The following CCDC18 variants were observed in gnomAD, a reference collection of about 807,000 sequenced individuals.
CCDC18 encodes coiled-coil domain-containing protein 18.
In CCDC18, 157 loss-of-function variants were observed where a neutral mutation model predicts 196.0. The ratio of observed to expected loss-of-function variants is 0.80; its 90% confidence interval spans 0.70 to 0.91. CCDC18 has a LOEUF of 0.91. Ranked by LOEUF, CCDC18 falls within the 40% of genes least tolerant of loss-of-function variation. The pLI, the probability that CCDC18 is intolerant of heterozygous loss-of-function variation, is 0.00. For synonymous variants in CCDC18, 482 were observed against 529.2 expected (o/e 0.91, Z 1.22); for missense variants, 1,465 against 1,611.6 (o/e 0.91, Z 1.56).
rs1396189661 is a variant in CCDC18, at chr1:93,246,788, A to G, written c.3082-50A>G. 3 of 849,140 alleles carry G rather than the reference A, an allele frequency of 3.5e-6. No individual in the cohort carries two copies. The South Asian group carries it at 4.3e-5, about 12-fold the overall frequency. The allele number at this position is 849,140 out of a possible 1,614,324, so 52.6% of individuals were successfully genotyped here. On this transcript the variant is annotated intron_variant, in intron 22 of 28. Coordinates refer to ENST00000690025, the MANE Select transcript of CCDC18 (RefSeq NM_001378204.1). Reference sequence around the variant, plus strand: ...TTACAAAGCCTATTCTAAGCATACAAGTTTTTATATCAGAATAAAATTGAA... The same window carrying G: ...TTACAAAGCCTATTCTAAGCATACAGGTTTTTATATCAGAATAAAATTGAA...
chr1:93,180,127 G>GT (rs1649271493), upstream of CCDC18: 4 of 1,613,756 alleles, frequency 2.5e-6, no homozygotes, highest in Non-Finnish European at 3.4e-6. Context: ...GGCGGGAAGG[G>GT]TAAAGGTGAA....
intron 6 of CCDC18, among the ~76,000 whole-genome samples, chr1:93,195,257 G>T (rs187940746): frequency 6.6e-6 from 1 of 151,906 alleles, no homozygotes; most frequent in Non-Finnish European, 1.5e-5. Flanking sequence ...AGTATAAAAG[G>T]GTATTATTGC....
rs530091201 is a variant in CCDC18 at position 93,247,005 on chromosome 1, A to T, written c.3198+51A>T. On this transcript the variant is annotated intron_variant, in intron 23 of 28. Transcript: ENST00000690025. ...TTAAATTATTTTTTAAAAAATTCAAACTGTAACTAAAAACACCCCTTCAAA... is the reference window on the plus strand; with the variant it reads ...TTAAATTATTTTTTAAAAAATTCAATCTGTAACTAAAAACACCCCTTCAAA... 3.2e-5 allele frequency: 26 copies of T among 805,838 alleles called. No homozygotes were observed. In the African/African-American group the frequency reaches 4.4e-4, roughly 14 times the overall value. The allele number at this position is 805,838 out of a possible 1,614,324, so 49.9% of individuals were successfully genotyped here. A position where few individuals can be genotyped will look rare whatever the true frequency, so the allele number is the denominator to read the frequency against.
chr1:93,243,783 A>G (rs1661146743), intron 21 of CCDC18, among the ~76,000 whole-genome samples: 1 of 152,196 alleles, frequency 6.6e-6, no homozygotes, highest in South Asian at 2.1e-4. Context: ...CCAGTTCCCA[A>G]CAAGTTCCTC....
chr1:93,257,706 T>G (rs1663202263), intron 25 of CCDC18, among the ~76,000 whole-genome samples: 1 of 152,170 alleles, frequency 6.6e-6, no homozygotes, highest in Non-Finnish European at 1.5e-5. Context: ...AAAGGAAAGC[T>G]ATCTACTTTT....
chr1:93,208,618 C>T (rs1243220315), intron 9 of CCDC18, among the ~76,000 whole-genome samples: 1 of 148,854 alleles, frequency 6.7e-6, no homozygotes, highest in Non-Finnish European at 1.5e-5. Flanking sequence ...TTTTTAATGG[C>T]TCATGATGAG....
chr1:93,181,740 G>C lies in CCDC18; in HGVS notation c.-3+888G>C, dbSNP rs537865950. On this transcript the variant is annotated intron_variant, in intron 1 of 28. Transcript: ENST00000690025. ...AAGCAATTCTCTGCCTCAGCCTCCC[G>C]AGTAGCTGAGATTACAGGCGCTCGC... is the stretch of plus-strand genomic sequence containing the variant. 9.9e-5 allele frequency among the ~76,000 whole-genome samples: 15 copies of C among 151,930 alleles called. 1 individual carries two copies. Among genetic ancestry groups the C allele is most frequent in the Admixed American group, 9.8e-4 (15 of 15,274 alleles).
chr1:93,200,904 T>C (rs1478904605), intron 6 of CCDC18, among the ~76,000 whole-genome samples: 1 of 152,224 alleles, frequency 6.6e-6, no homozygotes, highest in Non-Finnish European at 1.5e-5. Flanking sequence ...AAGTGAGAAA[T>C]ACAGGTATCC....
intron 17 of CCDC18, among the ~76,000 whole-genome samples, chr1:93,227,861 G>T (rs1033119435): frequency 6.6e-6 from 1 of 150,830 alleles, no homozygotes; most frequent in African/African-American, 2.4e-5. Context: ...AGGAAGCTGA[G>T]ATGGGAGGAT....
intron 9 of CCDC18, 28 bp downstream of exon 9, chr1:93,207,426 A>G: frequency 6.7e-7 from 1 of 1,494,072 alleles, no homozygotes; most frequent in Non-Finnish European, 9.0e-7. Context: ...CGTAATGGAA[A>G]AGAAGAATTT....
chr1:93,239,695 A>G lies in CCDC18; in HGVS notation c.2780A>G (p.Glu927Gly). The change falls in exon 21 of 29, where the codon GAA (glutamate) becomes GGA (glycine). Residue 927 changes from glutamate to glycine, a missense_variant. Coordinates refer to ENST00000690025, the MANE Select transcript of CCDC18 (RefSeq NM_001378204.1). Reference protein sequence around the residue: ...EKKTNAVKELEKLQHSTETEL... With the variant: ...EKKTNAVKELGKLQHSTETEL... ...CTCCTCTTAATAGTAAAGGAGTTAGAAAAGTTACAGCACAGTACTGAAACT... is the reference window on the plus strand; with the variant it reads ...CTCCTCTTAATAGTAAAGGAGTTAGGAAAGTTACAGCACAGTACTGAAACT... 1 of 1,609,368 alleles carries G rather than the reference A, an allele frequency of 6.2e-7. No homozygotes were observed. The highest frequency in any genetic ancestry group is 8.5e-7 in the Non-Finnish European group (1 of 1,177,226).
rs35315306 is a variant in CCDC18, at chr1:93,205,650, GA to G, written c.917+24del. On this transcript the variant is annotated intron_variant, in intron 8 of 28. Coordinates refer to ENST00000690025, the MANE Select transcript of CCDC18 (RefSeq NM_001378204.1). ...AATTAAGGTACAGTATTCTGTTGTA[GA>G]AAAAGGATTTTTGTGTGGACATGGA... 1.3e-6 allele frequency: 2 copies of G among 1,568,312 alleles called. No individual in the cohort carries two copies. The highest frequency in any genetic ancestry group is 2.1e-5 in the Admixed American group (1 of 47,794).
In CCDC18 at chr1:93,250,634, G is replaced by A. The variant is rs529844003; in HGVS notation, c.3198+3680G>A. 6.5e-4 allele frequency among the ~76,000 whole-genome samples: 99 copies of A among 152,064 alleles called. 2 individuals carry two copies. Among genetic ancestry groups the A allele is most frequent in the African/African-American group, 2.3e-3 (95 of 41,472 alleles). ...CTATTAATGTTTGCTTTATATACTC[G>A]GGAGCTTTATATGCCTGGGTGCATA... is the stretch of plus-strand genomic sequence containing the variant. On this transcript the variant is annotated intron_variant, in intron 23 of 28. Coordinates refer to ENST00000690025, the MANE Select transcript of CCDC18 (RefSeq NM_001378204.1).
chr1:93,247,958 G>T, intron 23 of CCDC18, among the ~76,000 whole-genome samples: 1 of 146,906 alleles, frequency 6.8e-6, no homozygotes, highest in African/African-American at 2.5e-5. Flanking sequence ...CTATTCCTAT[G>T]ATATTAACTA....
At chr1:93,256,127 T>C (rs573124465) in intron 24 of CCDC18, among the ~76,000 whole-genome samples, 1 of 152,270 alleles carries the variant, frequency 6.6e-6, no homozygotes, top group African/African-American at 2.4e-5. Flanking sequence ...CCAATTATGG[T>C]ATTTTTGTCA....
At position 93,254,523 on chromosome 1, in the gene CCDC18, AAG is replaced by A; in HGVS notation, c.3254_3255del (p.Glu1085ValfsTer7). 4 of 1,603,460 alleles carry A rather than the reference AAG, an allele frequency of 2.5e-6. No individual in the cohort carries two copies. The highest frequency in any genetic ancestry group is 2.2e-5 in the South Asian group (2 of 89,944). ...AATGCTAAAGAACAGCTTCGAGAAA[AAG>A]AGTTTATAATGCTACAAAATGAACA... is the stretch of plus-strand genomic sequence containing the variant. On this transcript the variant is annotated frameshift_variant, in exon 24 of 29. Coordinates refer to ENST00000690025, the MANE Select transcript of CCDC18 (RefSeq NM_001378204.1). LOFTEE classifies it high-confidence loss of function.
At chr1:93,185,717 T>C (rs1650546220) in intron 3 of CCDC18, among the ~76,000 whole-genome samples, 1 of 151,996 alleles carries the variant, frequency 6.6e-6, no homozygotes. Flanking sequence ...TAAAAGTGGT[T>C]ACCCACCTAT....
In CCDC18 at chr1:93,183,395, G is replaced by A; in HGVS notation, c.34G>A (p.Asp12Asn). 1.3e-6 allele frequency: 2 copies of A among 1,598,746 alleles called. No homozygotes were observed. Among genetic ancestry groups the A allele is most frequent in the Non-Finnish European group, 1.7e-6 (2 of 1,169,542 alleles). Residue 12 changes from aspartate (D) to asparagine (N), a missense_variant, in exon 2 of 29, where the codon GAC (aspartate) becomes AAC (asparagine). By Grantham distance (23) the Asp-to-Asn change is conservative (BLOSUM62 1). Coordinates refer to ENST00000690025, the MANE Select transcript of CCDC18 (RefSeq NM_001378204.1). ...TAGTTCATCAGACTACTATAATAAA[G>A]ACAATGAAGAGGAAAGTTTGCTTGC... The part of the protein sequence containing the change: ...ESSSSDYYNK[D>N]NEEESLLANV...
intron 4 of CCDC18, among the ~76,000 whole-genome samples, chr1:93,191,651 A>G (rs1651828957): frequency 6.6e-6 from 1 of 152,208 alleles, no homozygotes. Context: ...TAAAAATTCA[A>G]TAAATATTTT....
Sources: gnomAD v4.1 joint callset for allele counts (sites outside exome capture counted in the v4.1 genomes callset) on GRCh38, gnomAD v4.1.1 for gene constraint, MANE v1.5 for transcripts, NCBI Gene and HGNC (gene_info 2026-07-23, HGNC 2026-07-21) for gene names.